The following GREB1 variants were observed in gnomAD, a reference collection of about 807,000 sequenced individuals.
The protein encoded by GREB1 is growth regulating estrogen receptor binding 1, also known as protein GREB1.
Under a neutral mutation model 200.7 loss-of-function variants are expected in GREB1, and 106 were observed. The observed-to-expected ratio is 0.53, with a 90% CI of 0.45 to 0.62. The LOEUF (loss-of-function observed/expected upper bound fraction) is 0.62. GREB1 is among the 20% of genes least tolerant of loss of function. The pLI is 0.00. For synonymous variants in GREB1, 1,132 were observed against 1,092.4 expected, an observed-to-expected ratio of 1.04 and a Z score of -0.72; for missense variants, 2,243 against 2,556.8, an observed-to-expected ratio of 0.88 and a Z score of 2.65.
At chr2:11,592,732 C>T in intron 10 of GREB1, 44 bp from the exon 11 acceptor site, 3 of 1,316,308 alleles carry the variant, frequency 2.3e-6, no homozygotes, top group Non-Finnish European at 2.0e-6. Flanking sequence ...TCCCCGGATG[C>T]CGCTGGCATT....
At chr2:11,612,454 G>T in intron 18 of GREB1, 41 bp from the exon 19 acceptor site, 1 of 1,539,892 alleles carries the variant, frequency 6.5e-7, no homozygotes, top group South Asian at 1.1e-5. Context: ...TGGTTGGGAA[G>T]GGAGGCGTCT....
chr2:11,595,372 C>T lies in GREB1; in HGVS notation c.1818C>T (p.Leu606=). Reference sequence around the variant, plus strand: ...CGCTGGGGGCCTTCTTTAGCACCCTCTGTCCAGGTAGGCTTGTCGTGAGAC... The same window carrying T: ...CGCTGGGGGCCTTCTTTAGCACCCTTTGTCCAGGTAGGCTTGTCGTGAGAC... ...VDSLGAFFST[L]CPEGDIDILL... is the part of the protein sequence containing the mutation. The change falls in exon 12 of 33, where the codon CTC becomes CTT. Residue 606 remains leucine (L), a synonymous_variant. Transcript: ENST00000381486. The T allele has an allele frequency of 1.2e-6, 2 of 1,613,492 alleles. No individual in the cohort carries two copies. The highest frequency in any genetic ancestry group is 2.2e-5 in the East Asian group (1 of 44,860).
chr2:11,583,355 C>T (rs1246336967), intron 7 of GREB1, among the ~76,000 whole-genome samples: 1 of 152,238 alleles, frequency 6.6e-6, no homozygotes, highest in African/African-American at 2.4e-5. Flanking sequence ...GGCCTCATCC[C>T]TGCAAACAGG....
intron 4 of GREB1, among the ~76,000 whole-genome samples, chr2:11,571,124 A>G (rs1678229522): frequency 6.6e-6 from 1 of 152,000 alleles, no homozygotes; most frequent in South Asian, 2.1e-4. Flanking sequence ...AATGTTCCCC[A>G]GGTTTTGTTT....
At chr2:11,510,913 T>TCCAC in intron 1 of GREB1, among the ~76,000 whole-genome samples, 1 of 152,314 alleles carries the variant, frequency 6.6e-6, no homozygotes, top group Admixed American at 6.5e-5. Flanking sequence ...CCTCAGGTGA[T>TCCAC]CTGCCTATCT....
chr2:11,630,378 G>T (rs994420538), intron 26 of GREB1, among the ~76,000 whole-genome samples: 3 of 152,212 alleles, frequency 2.0e-5, no homozygotes, highest in Admixed American at 1.3e-4. Context: ...GTAGCAACTT[G>T]CAAAAGCTTG....
intron 15 of GREB1, among the ~76,000 whole-genome samples, chr2:11,600,478 G>A (rs770532566): frequency 7.2e-5 from 11 of 152,188 alleles, no homozygotes; most frequent in Non-Finnish European, 1.3e-4. Flanking sequence ...GGGCCAAAGA[G>A]GAACAAATGA....
chr2:11,540,741 G>T (rs1339780561), intron 1 of GREB1: 2 of 150,702 alleles, frequency 1.3e-5, no homozygotes, highest in East Asian at 4.1e-4. Flanking sequence ...ACATGAGAAT[G>T]ATGTCTTGTT....
At chr2:11,562,024 A>G (rs746150161) in intron 2 of GREB1, among the ~76,000 whole-genome samples, 1 of 152,172 alleles carries the variant, frequency 6.6e-6, no homozygotes, top group Non-Finnish European at 1.5e-5. Context: ...GGTACCATCT[A>G]CACAAATATC....
In GREB1 at chr2:11,615,977, G is replaced by A. The variant is rs576116039; in HGVS notation, c.3323-654G>A. Among the ~76,000 whole-genome samples the A allele has an allele frequency of 1.8e-3, 270 of 152,322 alleles. 3 individuals carry two copies. The highest frequency in any genetic ancestry group is 6.3e-3 in the African/African-American group (261 of 41,564). On this transcript the variant is annotated intron_variant, in intron 20 of 32. Coordinates refer to ENST00000381486, the MANE Select transcript of GREB1 (RefSeq NM_014668.4). ...GACCTCTCTTAGCCTCAGCTTGCTC[G>A]TCTGTAAAATGTAGATGGAAAGGCC...
intron 1 of GREB1, among the ~76,000 whole-genome samples, chr2:11,494,146 C>T (rs375560157): frequency 9.2e-5 from 14 of 152,172 alleles, no homozygotes; most frequent in African/African-American, 3.1e-4. Flanking sequence ...GTAGGGAACC[C>T]GTTTTTGTCT....
At chr2:11,552,946 C>T (rs891622486) in intron 1 of GREB1, among the ~76,000 whole-genome samples, 2 of 146,918 alleles carry the variant, frequency 1.4e-5, no homozygotes, top group Non-Finnish European at 3.0e-5. Context: ...GGAGGCGGAG[C>T]TTGCAGTGAG....
In GREB1 at chr2:11,618,427, G is replaced by A. The variant is rs776138840; in HGVS notation, c.3552G>A (p.Gly1184=). 4.5e-5 allele frequency: 72 copies of A among 1,606,554 alleles called. No homozygotes were observed. The highest frequency in any genetic ancestry group is 5.5e-5 in the Non-Finnish European group (65 of 1,177,198). The change falls in exon 22 of 33, where the codon GGG becomes GGA. Residue 1184 remains glycine, a synonymous_variant. Coordinates refer to ENST00000381486, the MANE Select transcript of GREB1 (RefSeq NM_014668.4). ...AACAGAGGCCCCGGGCAAGTCAGGG[G>A]CCACCCTCGGCCATCAGCAGGCACA... ...GEKQRPRASQ[G]PPSAISRHSP...
intron 1 of GREB1, among the ~76,000 whole-genome samples, chr2:11,488,304 G>A (rs888027128): frequency 1.3e-5 from 2 of 152,186 alleles, no homozygotes; most frequent in African/African-American, 4.8e-5. Flanking sequence ...TGGCCGAGGA[G>A]TCTGTAAGCT....
intron 4 of GREB1, among the ~76,000 whole-genome samples, chr2:11,575,416 A>G (rs13428862): frequency 0.046 from 7,037 of 152,238 alleles, 269 homozygotes; most frequent in East Asian, 0.18. Flanking sequence ...AGGTCTTTTC[A>G]AGCACATTCT....
intron 17 of GREB1, among the ~76,000 whole-genome samples, chr2:11,608,264 C>T (rs1682591085): frequency 6.6e-6 from 1 of 152,206 alleles, no homozygotes; most frequent in African/African-American, 2.4e-5. Context: ...TATCTTCACT[C>T]AACAAGTTCA....
chr2:11,615,660 A>G (rs1040687132), intron 20 of GREB1, among the ~76,000 whole-genome samples: 1 of 152,214 alleles, frequency 6.6e-6, no homozygotes, highest in Non-Finnish European at 1.5e-5. Flanking sequence ...ATTCCCACCT[A>G]GTGTGATTTG....
At chr2:11,530,669 A>C (rs13010352), upstream of GREB1, among the ~76,000 whole-genome samples, 1 of 126 alleles carries the variant, frequency 7.9e-3, no homozygotes, top group Non-Finnish European at 0.012. Context: ...ATGTGAGTTA[A>C]TGGGGGGCAG....
Position 11,593,120 on chromosome 2 carries a change from G to C in GREB1, c.1690G>C (p.Val564Leu), listed in dbSNP as rs778284838. Residue 564 changes from valine (V) to leucine (L), a missense_variant, in exon 11 of 33, where the codon GTC becomes CTC. Physicochemically the swap from Val to Leu is conservative, Grantham distance 32. Around this residue, in one of 3 missense-constraint regions of GREB1, gnomAD observed 1,178 missense variants for 1,387.4 expected, o/e 0.85. Coordinates refer to ENST00000381486, the MANE Select transcript of GREB1 (RefSeq NM_014668.4). ...RSAAIDSCIA[V>L]TGKYQARILS... is the part of the protein sequence containing the mutation. ...CGCGGCCATCGACTCCTGCATCGCCGTCACCGGTGAGCTCTGGGCCGCGCG... is the reference window on the plus strand; with the variant it reads ...CGCGGCCATCGACTCCTGCATCGCCCTCACCGGTGAGCTCTGGGCCGCGCG... The C allele has an allele frequency of 6.3e-7, 1 of 1,598,566 alleles. No homozygotes were observed. The highest frequency in any genetic ancestry group is 1.3e-5 in the African/African-American group (1 of 74,538).
Sources: gnomAD v4.1 joint callset for allele counts (sites outside exome capture counted in the v4.1 genomes callset) on GRCh38, gnomAD v4.1.1 for gene constraint, gnomAD v4.1.1 regional missense constraint, MANE v1.5 for transcripts, NCBI Gene and HGNC (gene_info 2026-07-23, HGNC 2026-07-21) for gene names.